ANKRD13A: variants seen among roughly 807,000 people sequenced by gnomAD.
ANKRD13A encodes ankyrin repeat domain-containing protein 13A.
ANKRD13A carries 48 observed loss-of-function variants against 81.3 expected under a neutral mutation model. That is an observed-to-expected ratio of 0.59 (90% CI 0.47 to 0.75). The LOEUF (loss-of-function observed/expected upper bound fraction) is 0.75. ANKRD13A is among the 30% of genes least tolerant of loss of function. The probability of loss-of-function intolerance (pLI) is 0.00; values close to 1 mark genes in which losing one functional copy is unlikely to be tolerated. For missense variants in ANKRD13A, 612 were observed against 734.0 expected (o/e 0.83, Z 1.92); for synonymous variants, 230 against 270.1 (o/e 0.85, Z 1.45).
At chr12:110,014,121 T>A (rs909083247) in intron 3 of ANKRD13A, among the ~76,000 whole-genome samples, 25 of 152,082 alleles carry the variant, frequency 1.6e-4, no homozygotes, top group African/African-American at 5.8e-4. Context: ...TTATTATAAA[T>A]AAGACAGTCA....
chr12:110,034,493 G>A (rs1364677451), intron 13 of ANKRD13A, among the ~76,000 whole-genome samples: 3 of 152,112 alleles, frequency 2.0e-5, no homozygotes, highest in East Asian at 3.9e-4. Flanking sequence ...TGCAGTGGCT[G>A]TTCCCCGGCA....
intron 8 of ANKRD13A, among the ~76,000 whole-genome samples, chr12:110,026,211 C>T (rs1190085173): frequency 2.6e-5 from 4 of 151,874 alleles, no homozygotes; most frequent in African/African-American, 9.6e-5. Flanking sequence ...GATCCTCACC[C>T]ACCTCGGCCT....
intron 6 of ANKRD13A, among the ~76,000 whole-genome samples, chr12:110,023,273 C>T (rs1324381651): frequency 1.3e-5 from 2 of 152,170 alleles, no homozygotes; most frequent in Admixed American, 6.5e-5. Flanking sequence ...TCAGAGCCTC[C>T]TGGCTGCTTT....
Position 110,038,032 on chromosome 12 carries a change from TG to T in ANKRD13A, c.*479del, listed in dbSNP as rs2137199476. 1 of 153,334 alleles carries T rather than the reference TG, an allele frequency of 6.5e-6. No individual in the cohort carries two copies. The highest frequency in any genetic ancestry group is 1.5e-5 in the Non-Finnish European group (1 of 68,718). 9.5% of individuals were successfully genotyped at this position (153,334 alleles called of 1,614,324 possible). A position where few individuals can be genotyped will look rare whatever the true frequency, so the allele number is the denominator to read the frequency against. ...CACCAAAGAAATGGGTAATCTGTGCTGATCTCCTTATTTTTACCTTTTTACA... is the reference window on the plus strand; with the variant it reads ...CACCAAAGAAATGGGTAATCTGTGCTATCTCCTTATTTTTACCTTTTTACA... On this transcript the variant is annotated 3_prime_UTR_variant, in exon 15 of 15. Transcript: ENST00000261739.
intron 1 of ANKRD13A, 123 bp from the exon 2 acceptor site, chr12:110,011,880 ATG>A: frequency 1.1e-6 from 1 of 879,884 alleles, no homozygotes; most frequent in Non-Finnish European, 1.7e-6. Context: ...ACCTTCTTAC[ATG>A]TGTTGCTCTA....
At chr12:110,022,979 C>A (rs541645872) in intron 6 of ANKRD13A, among the ~76,000 whole-genome samples, 1 of 152,332 alleles carries the variant, frequency 6.6e-6, no homozygotes, top group African/African-American at 2.4e-5. Context: ...ATTATACCAT[C>A]TGGACTAATT....
chr12:110,011,956 T>C, intron 1 of ANKRD13A, 49 bp from the exon 2 acceptor site: 1 of 1,548,348 alleles, frequency 6.5e-7, no homozygotes, highest in Non-Finnish European at 8.8e-7. Flanking sequence ...CATTTCCCTA[T>C]TTTAATGTAA....
intron 12 of ANKRD13A, 111 bp from the exon 13 acceptor site, chr12:110,033,686 G>C (rs1891845542): frequency 9.6e-7 from 1 of 1,046,404 alleles, no homozygotes; most frequent in South Asian, 2.1e-5. Flanking sequence ...AGTAAGCCTT[G>C]ATTGTTATAA....
Position 110,026,322 on chromosome 12 carries a change from C to A in ANKRD13A, c.883+499C>A, listed in dbSNP as rs192659203. 6.4e-4 allele frequency among the ~76,000 whole-genome samples: 97 copies of A among 151,328 alleles called. 1 individual carries two copies. The East Asian group carries it at 8.2e-3, about 13-fold the overall frequency. ...GGCACGGTGGCTCATGCTTGTAATC[C>A]CAACACTTTGGGAGGCCAATGTGGG... On this transcript the variant is annotated intron_variant, in intron 8 of 14. Transcript: ENST00000261739.
intron 1 of ANKRD13A, among the ~76,000 whole-genome samples, chr12:110,004,444 C>T (rs1024912355): frequency 2.0e-5 from 3 of 151,854 alleles, no homozygotes; most frequent in Non-Finnish European, 4.4e-5. Context: ...AGAGAAACCC[C>T]GTCTCTACTA....
chr12:110,037,180 G>A (rs1160548472), intron 14 of ANKRD13A, among the ~76,000 whole-genome samples, 179 bp from the exon 15 acceptor site: 1 of 152,180 alleles, frequency 6.6e-6, no homozygotes, highest in Non-Finnish European at 1.5e-5. Context: ...GGGCAAGATT[G>A]TGGGGTTTCT....
Position 110,018,489 on chromosome 12 carries a change from G to C in ANKRD13A, c.544+1G>C, listed in dbSNP as rs1355679760. ...CGTAGTTTTATATTTAAGGGAGAAG[G>C]TGAGTGACTTCTCTTGTAGTAATCA... On this transcript the variant is annotated splice_donor_variant, in intron 5 of 14. Transcript: ENST00000261739. LOFTEE classifies it high-confidence loss of function. The surrounding 1 kb of genome is among the most constrained non-coding windows in gnomAD (Gnocchi z 4.4). 6.2e-7 allele frequency: 1 copy of C among 1,613,592 alleles called. No individual in the cohort carries two copies. Among genetic ancestry groups the C allele is most frequent in the Admixed American group, 1.7e-5 (1 of 59,970 alleles).
intron 10 of ANKRD13A, 125 bp from the exon 11 acceptor site, chr12:110,029,353 G>C (rs1490857375): frequency 2.2e-5 from 23 of 1,066,444 alleles, no homozygotes; most frequent in South Asian, 2.1e-4. Flanking sequence ...TAATAGGTCT[G>C]AATTAAGAGA....
chr12:110,006,826 C>T lies in ANKRD13A; in HGVS notation c.97-5179C>T, dbSNP rs533423351. Among the ~76,000 whole-genome samples, 10 of 152,258 alleles carry T rather than the reference C, an allele frequency of 6.6e-5. No individual in the cohort carries two copies. In the East Asian group the frequency reaches 1.5e-3, roughly 23 times the overall value. On this transcript the variant is annotated intron_variant, in intron 1 of 14. Coordinates refer to ENST00000261739, the MANE Select transcript of ANKRD13A (RefSeq NM_033121.2). Reference sequence around the variant, plus strand: ...GATCAGGCTGATCTCGAACTCCCTACCTCAGGTGATCCTCCCGCCTTGGCC... The same window carrying T: ...GATCAGGCTGATCTCGAACTCCCTATCTCAGGTGATCCTCCCGCCTTGGCC...
In ANKRD13A at chr12:110,025,263, C is replaced by T. The variant is rs7310812; in HGVS notation, c.802-479C>T. On this transcript the variant is annotated intron_variant, in intron 7 of 14. Coordinates refer to ENST00000261739, the MANE Select transcript of ANKRD13A (RefSeq NM_033121.2). ...CCCAGCTACTCTGGAGGCTGAGGCA[C>T]GAGAATCGCTTGAACCCAGGAGGCG... is the stretch of plus-strand genomic sequence containing the variant. Among the ~76,000 whole-genome samples the T allele has an allele frequency of 9.3e-3, 1,412 of 151,140 alleles. 33 individuals carry two copies. Among genetic ancestry groups the T allele is most frequent in the African/African-American group, 0.033 (1,338 of 41,054 alleles).
Position 110,036,382 on chromosome 12 carries a change from C to T in ANKRD13A, c.1577+54C>T, listed in dbSNP as rs1892050087. 1.3e-6 allele frequency: 2 copies of T among 1,563,720 alleles called. No homozygotes were observed. The highest frequency in any genetic ancestry group is 1.8e-6 in the Non-Finnish European group (2 of 1,134,614). On this transcript the variant is annotated intron_variant, in intron 14 of 14. Transcript: ENST00000261739. The surrounding 1 kb of genome is among the most constrained non-coding windows in gnomAD (Gnocchi z 4.6). Reference sequence around the variant, plus strand: ...ACCAGGGTGAACACAGGCCTGGACACAGGCGAGCAGACGCGTGGCACTGTG... The same window carrying T: ...ACCAGGGTGAACACAGGCCTGGACATAGGCGAGCAGACGCGTGGCACTGTG...
chr12:110,019,348 AT>A lies in ANKRD13A; in HGVS notation c.734+24del. On this transcript the variant is annotated intron_variant, in intron 6 of 14. Coordinates refer to ENST00000261739, the MANE Select transcript of ANKRD13A (RefSeq NM_033121.2). Reference sequence around the variant, plus strand: ...TGAAAGGTACAAATTTAGACTCTAAATTTTAATGTCTAATCCCCATGCTGCC... The same window carrying A: ...TGAAAGGTACAAATTTAGACTCTAAATTTAATGTCTAATCCCCATGCTGCC... 1 of 1,576,300 alleles carries A rather than the reference AT, an allele frequency of 6.3e-7. No individual in the cohort carries two copies. Among genetic ancestry groups the A allele is most frequent in the South Asian group, 1.2e-5 (1 of 86,858 alleles).
intron 4 of ANKRD13A, among the ~76,000 whole-genome samples, chr12:110,016,975 T>C (rs1249903378): frequency 1.3e-5 from 2 of 152,242 alleles, no homozygotes; most frequent in East Asian, 3.9e-4. Context: ...GGTTTCACCA[T>C]GTTAGCCAGG....
At chr12:110,007,677 G>A (rs1353081144) in intron 1 of ANKRD13A, among the ~76,000 whole-genome samples, 5 of 152,112 alleles carry the variant, frequency 3.3e-5, no homozygotes, top group African/African-American at 1.2e-4. Flanking sequence ...ACCACACCAG[G>A]CCAGTTCTTC....
Sources: gnomAD v4.1 joint callset for allele counts (sites outside exome capture counted in the v4.1 genomes callset) on GRCh38, gnomAD v4.1.1 for gene constraint, Gnocchi (gnomAD v3.1) non-coding constraint, MANE v1.5 for transcripts, NCBI Gene and HGNC (gene_info 2026-07-23, HGNC 2026-07-21) for gene names.